USH2A: variants seen among roughly 807,000 people sequenced by gnomAD.
The protein encoded by USH2A is usherin, also known as Usher syndrome 2A (autosomal recessive, mild).
Under a neutral mutation model 538.9 loss-of-function variants are expected in USH2A, and 443 were observed. That is an observed-to-expected ratio of 0.82 (90% confidence interval 0.76 to 0.89). The LOEUF (loss-of-function observed/expected upper bound fraction) is 0.89, where lower values mean the gene tolerates loss of function less well. USH2A is among the 40% of genes least tolerant of loss of function. The pLI is 0.00. For synonymous variants in USH2A, 2,413 were observed against 2,273.5 expected, an observed-to-expected ratio of 1.06 and a Z score of -1.75; for missense variants, 6,633 against 6,324.8, an observed-to-expected ratio of 1.05 and a Z score of -1.65.
intron 49 of USH2A, among the ~76,000 whole-genome samples, chr1:215,813,326 C>T (rs1045255539): frequency 4.6e-5 from 7 of 151,990 alleles, no homozygotes; most frequent in African/African-American, 7.2e-5. Flanking sequence ...TTTGCAGTTG[C>T]GATCTATCCA....
intron 60 of USH2A, among the ~76,000 whole-genome samples, chr1:215,740,201 T>C (rs1470727020): frequency 3.3e-5 from 5 of 152,134 alleles, no homozygotes; most frequent in Non-Finnish European, 2.9e-5. Flanking sequence ...CTCTCCCTCA[T>C]TCTCTTCCTT....
intron 13 of USH2A, among the ~76,000 whole-genome samples, chr1:216,239,734 CT>C (rs1341012202): frequency 2.0e-5 from 3 of 152,096 alleles, no homozygotes; most frequent in African/African-American, 7.2e-5. Context: ...TAGGAGGCTA[CT>C]TGAATAGTCC....
intron 21 of USH2A, among the ~76,000 whole-genome samples, chr1:216,123,709 C>A (rs367868191): frequency 1.3e-5 from 2 of 152,016 alleles, no homozygotes; most frequent in African/African-American, 4.8e-5. Flanking sequence ...ACTTACACAG[C>A]CCAATGCAAA....
rs931180907 is a variant in USH2A, at chr1:216,289,289, A to G, written c.1962T>C (p.Leu654=). ...ACTCAGAAAAACTCACCTGATCACA[A>G]AGAATGCTACCATTTCTAGTGCCAA... The part of the protein sequence containing the change: ...DTVGTRNGSI[L]CDQIGGQCNC... The change falls in exon 11 of 72, where the codon CTT becomes CTC. Residue 654 remains leucine (L), a synonymous_variant. Transcript: ENST00000307340. 7 of 1,613,870 alleles carry G rather than the reference A, an allele frequency of 4.3e-6. No individual in the cohort carries two copies. The highest frequency in any genetic ancestry group is 5.9e-6 in the Non-Finnish European group (7 of 1,179,770).
chr1:215,838,214 T>A, intron 46 of USH2A, 111 bp from the exon 47 acceptor site: 1 of 875,840 alleles, frequency 1.1e-6, no homozygotes, highest in African/African-American at 1.6e-5. Flanking sequence ...TATTTCTCTA[T>A]AGCCTCTTGA....
intron 58 of USH2A, among the ~76,000 whole-genome samples, chr1:215,750,685 T>C (rs1440943621): frequency 6.6e-6 from 1 of 152,136 alleles, no homozygotes; most frequent in East Asian, 1.9e-4. Context: ...TGGAAAAATA[T>C]TGAGAAAATA....
At chr1:216,166,836 C>T (rs1558294341) in intron 21 of USH2A, among the ~76,000 whole-genome samples, 2 of 152,092 alleles carry the variant, frequency 1.3e-5, no homozygotes, top group Non-Finnish European at 2.9e-5. Flanking sequence ...GAGGATCAGT[C>T]AATCATTCCC....
At chr1:216,098,498 C>T (rs564032000) in intron 21 of USH2A, among the ~76,000 whole-genome samples, 2 of 152,206 alleles carry the variant, frequency 1.3e-5, no homozygotes, top group South Asian at 2.1e-4. Flanking sequence ...AAAAGCCCTA[C>T]ATAGGTGGGT....
chr1:215,628,170 A>C (rs1208285748), intron 71 of USH2A, among the ~76,000 whole-genome samples: 1 of 152,198 alleles, frequency 6.6e-6, no homozygotes, highest in Non-Finnish European at 1.5e-5. Context: ...GCAAAACAAA[A>C]AAAGTACCTT....
chr1:216,165,107 C>T (rs1197820614), intron 21 of USH2A, among the ~76,000 whole-genome samples: 4 of 152,154 alleles, frequency 2.6e-5, no homozygotes, highest in African/African-American at 9.6e-5. Flanking sequence ...AGAATTCAAT[C>T]AGCATGATGC....
At chr1:215,922,574 A>G (rs931437349) in intron 38 of USH2A, among the ~76,000 whole-genome samples, 1 of 152,104 alleles carries the variant, frequency 6.6e-6, no homozygotes. Context: ...TATTTTAAAG[A>G]TGGTCTAGCT....
intron 40 of USH2A, among the ~76,000 whole-genome samples, chr1:215,891,776 A>G (rs138711740): frequency 2.0e-5 from 3 of 152,266 alleles, no homozygotes; most frequent in Non-Finnish European, 4.4e-5. Context: ...CATGTTGTCA[A>G]TGCGGCTGTC....
intron 32 of USH2A, among the ~76,000 whole-genome samples, chr1:216,015,002 T>C (rs1668671711): frequency 6.6e-6 from 1 of 152,212 alleles, no homozygotes; most frequent in South Asian, 2.1e-4. Context: ...TTTTTGCTTC[T>C]TTATGATCTA....
At chr1:216,235,517 T>C (rs968367742) in intron 13 of USH2A, among the ~76,000 whole-genome samples, 29 of 152,290 alleles carry the variant, frequency 1.9e-4, no homozygotes, top group African/African-American at 6.7e-4. Context: ...AAATGTATCA[T>C]CCAGCTAAAA....
At chr1:215,765,105 A>G (rs138465957) in intron 56 of USH2A, among the ~76,000 whole-genome samples, 53 of 152,260 alleles carry the variant, frequency 3.5e-4, no homozygotes, top group African/African-American at 1.2e-3. Context: ...CATATTTCCA[A>G]TGAATTTAAA....
At chr1:216,042,212 G>A (rs935579010) in intron 32 of USH2A, among the ~76,000 whole-genome samples, 2 of 151,930 alleles carry the variant, frequency 1.3e-5, no homozygotes, top group African/African-American at 4.8e-5. Context: ...ATCATACATA[G>A]GTTATAGCTC....
intron 35 of USH2A, among the ~76,000 whole-genome samples, chr1:215,973,517 T>G (rs752260618): frequency 6.6e-6 from 1 of 152,106 alleles, no homozygotes; most frequent in Non-Finnish European, 1.5e-5. Flanking sequence ...CAGTGATTGA[T>G]GAGATACAGG....
chr1:216,199,907 AC>A lies in USH2A; in HGVS notation c.3530del (p.Gly1177ValfsTer3). 1.2e-6 allele frequency: 2 copies of A among 1,614,090 alleles called. No individual in the cohort carries two copies. Among genetic ancestry groups the A allele is most frequent in the Non-Finnish European group, 1.7e-6 (2 of 1,179,994 alleles). On this transcript the variant is annotated frameshift_variant, in exon 17 of 72. Coordinates refer to ENST00000307340, the MANE Select transcript of USH2A (RefSeq NM_206933.4). LOFTEE classifies it high-confidence loss of function. The part of the protein sequence containing the change: ...LTWTTLSNQS[G>X]PIEKYILSCA... ...AGGACAAAATATATTTCTCTATGGG[AC>A]CAGATTGATTTGAGAGTGTTGTCCA...
At chr1:215,700,414 TC>T (rs1363502938) in intron 61 of USH2A, among the ~76,000 whole-genome samples, 3 of 152,194 alleles carry the variant, frequency 2.0e-5, no homozygotes, top group Non-Finnish European at 2.9e-5. Flanking sequence ...CTGGTAGAAT[TC>T]GGCTGTGAAT....
Sources: allele counts gnomAD v4.1 joint callset (sites outside exome capture counted in the v4.1 genomes callset), GRCh38; gene constraint gnomAD v4.1.1; transcripts MANE v1.5; gene names NCBI Gene and HGNC (gene_info 2026-07-23, HGNC 2026-07-21).